WHRN: variants seen among roughly 807,000 people sequenced by gnomAD.
WHRN encodes the protein CASK-interacting protein CIP98.
WHRN carries 41 observed loss-of-function variants against 68.3 expected under a neutral mutation model. The observed-to-expected ratio is 0.60, with a 90% confidence interval of 0.47 to 0.78. The LOEUF (loss-of-function observed/expected upper bound fraction) is 0.78, where lower values mean the gene tolerates loss of function less well. WHRN is among the 30% of genes least tolerant of loss of function. The pLI is 0.00. For missense variants in WHRN, 1,243 were observed against 1,244.7 expected (o/e 1.00, Z 0.02); for synonymous variants, 560 against 561.3 (o/e 1.00, Z 0.03).
At position 114,402,605 on chromosome 9, in the gene WHRN, T is replaced by C. The variant is rs563858014; in HGVS notation, c.*149A>G. On this transcript the variant is annotated 3_prime_UTR_variant, in exon 12 of 12. Coordinates refer to ENST00000362057, the MANE Select transcript of WHRN (RefSeq NM_015404.4). ...TCCTGCTCTCTTCCTCTCCCAGTTC[T>C]GGTCCAGTGGGCTGGGATGGAGGGG... The C allele has an allele frequency of 7.9e-5, 77 of 975,696 alleles. No individual in the cohort carries two copies. The Middle Eastern group carries it at 1.0e-3, about 13-fold the overall frequency. 60.4% of individuals were successfully genotyped at this position (975,696 alleles called of 1,614,324 possible).
intron 1 of WHRN, among the ~76,000 whole-genome samples, chr9:114,487,188 ATTTT>A (rs199746650): frequency 7.3e-6 from 1 of 136,496 alleles, no homozygotes; most frequent in Non-Finnish European, 1.6e-5. Context: ...CCAAAAAAAA[ATTTT>A]TTTTTTTTTT....
chr9:114,463,757 A>C (rs1335086975), intron 3 of WHRN, among the ~76,000 whole-genome samples: 1 of 152,222 alleles, frequency 6.6e-6, no homozygotes, highest in African/African-American at 2.4e-5. Context: ...GAGTCCAAAC[A>C]AAGCATCACT....
chr9:114,422,890 T>G (rs1037731983), intron 7 of WHRN, among the ~76,000 whole-genome samples: 1 of 152,062 alleles, frequency 6.6e-6, no homozygotes, highest in African/African-American at 2.4e-5. Flanking sequence ...AAGGGTGGCC[T>G]CTTGGGGAAA....
chr9:114,436,571 G>C (rs1299124167), intron 3 of WHRN, among the ~76,000 whole-genome samples: 1 of 152,190 alleles, frequency 6.6e-6, no homozygotes, highest in Non-Finnish European at 1.5e-5. Flanking sequence ...GCTCATGCCT[G>C]TAATCCCAGC....
chr9:114,502,924 A>C (rs2133453427), intron 1 of WHRN, among the ~76,000 whole-genome samples: 1 of 152,340 alleles, frequency 6.6e-6, no homozygotes, highest in African/African-American at 2.4e-5. Context: ...TGTTGCATGG[A>C]AACTCACAAC....
intron 2 of WHRN, among the ~76,000 whole-genome samples, chr9:114,467,516 G>A (rs1030213293): frequency 3.0e-4 from 46 of 152,022 alleles, no homozygotes; most frequent in Middle Eastern, 3.4e-3. Flanking sequence ...GTCAGCCGGC[G>A]GGGGGGAAGG....
intron 4 of WHRN, 195 bp from the exon 5 acceptor site, chr9:114,425,219 C>A (rs539913153): frequency 2.8e-6 from 2 of 712,576 alleles, no homozygotes; most frequent in Admixed American, 2.0e-5. Flanking sequence ...AGCGTCCAGC[C>A]TCCCAATCAG....
chr9:114,418,830 C>T (rs1387498775), intron 7 of WHRN, among the ~76,000 whole-genome samples: 2 of 152,194 alleles, frequency 1.3e-5, no homozygotes, highest in African/African-American at 4.8e-5. Flanking sequence ...ATTTTTCTCC[C>T]TAGCACTTGT....
chr9:114,484,555 G>A (rs1333530836), intron 1 of WHRN, among the ~76,000 whole-genome samples: 1 of 152,210 alleles, frequency 6.6e-6, no homozygotes, highest in Non-Finnish European at 1.5e-5. Context: ...GATCTGGGGA[G>A]AGCCCACCGC....
chr9:114,423,027 T>G (rs1341419780), intron 7 of WHRN, among the ~76,000 whole-genome samples: 1 of 127,840 alleles, frequency 7.8e-6, no homozygotes. Flanking sequence ...ATTTACCTAC[T>G]TTTTTTTTTT....
chr9:114,410,946 C>T (rs927915403), intron 7 of WHRN, among the ~76,000 whole-genome samples: 14 of 152,358 alleles, frequency 9.2e-5, no homozygotes, highest in South Asian at 2.1e-4. Context: ...CCAGTTCTGC[C>T]GCTTGCAGCT....
intron 7 of WHRN, among the ~76,000 whole-genome samples, chr9:114,410,455 TGAG>T (rs1302906655): frequency 6.6e-6 from 1 of 152,126 alleles, no homozygotes; most frequent in Non-Finnish European, 1.5e-5. Flanking sequence ...GGCAGGGAGT[TGAG>T]GGGGGTGGTG....
intron 7 of WHRN, among the ~76,000 whole-genome samples, chr9:114,416,163 C>T (rs1756916687): frequency 6.6e-6 from 1 of 152,206 alleles, no homozygotes; most frequent in Non-Finnish European, 1.5e-5. Flanking sequence ...TGGGCAGGGG[C>T]TGGGAGCCTC....
At chr9:114,437,089 C>T (rs1312177112) in intron 3 of WHRN, among the ~76,000 whole-genome samples, 7 of 152,056 alleles carry the variant, frequency 4.6e-5, no homozygotes, top group African/African-American at 1.4e-4. Context: ...GACAGACAGG[C>T]GGTGAAACAG....
intron 1 of WHRN, among the ~76,000 whole-genome samples, chr9:114,500,790 A>G (rs1159384189): frequency 2.0e-5 from 3 of 152,182 alleles, no homozygotes; most frequent in Non-Finnish European, 2.9e-5. Flanking sequence ...ATTTGCTCCG[A>G]AACAGCACCA....
At chr9:114,409,177 A>T (rs1241960391) in intron 7 of WHRN, among the ~76,000 whole-genome samples, 1 of 152,200 alleles carries the variant, frequency 6.6e-6, no homozygotes, top group Non-Finnish European at 1.5e-5. Flanking sequence ...TGAGGTCTCA[A>T]CTGCAGTGCT....
intron 3 of WHRN, among the ~76,000 whole-genome samples, chr9:114,435,268 C>A (rs1837754931): frequency 6.6e-6 from 1 of 152,168 alleles, no homozygotes; most frequent in South Asian, 2.1e-4. Flanking sequence ...CTGACGGAAT[C>A]CATGAATGAA....
intron 1 of WHRN, among the ~76,000 whole-genome samples, chr9:114,499,548 A>C (rs1843740970): frequency 6.6e-6 from 1 of 152,236 alleles, no homozygotes; most frequent in African/African-American, 2.4e-5. Flanking sequence ...GAACCTTGCA[A>C]GAAATCACCA....
intron 3 of WHRN, among the ~76,000 whole-genome samples, chr9:114,446,567 C>G (rs540813019): frequency 6.6e-6 from 1 of 152,070 alleles, no homozygotes; most frequent in African/African-American, 2.4e-5. Flanking sequence ...ATGTCTGGGT[C>G]CTTCTACTTT....
Sources: allele counts gnomAD v4.1 joint callset (sites outside exome capture counted in the v4.1 genomes callset), GRCh38; gene constraint gnomAD v4.1.1; transcripts MANE v1.5; gene names NCBI Gene and HGNC (gene_info 2026-07-23, HGNC 2026-07-21).